The following GSDME variants were observed in gnomAD, a reference collection of about 807,000 sequenced individuals.
GSDME encodes the protein gasdermin-E.
GSDME carries 44 observed loss-of-function variants against 47.5 expected under a neutral mutation model. The ratio of observed to expected loss-of-function variants is 0.93; its 90% CI spans 0.73 to 1.19. GSDME has a LOEUF of 1.19. Ranked by LOEUF, GSDME falls within the 50% of genes most tolerant of loss-of-function variation. The pLI is 0.00. For missense variants in GSDME, 663 were observed against 604.2 expected, an observed-to-expected ratio of 1.10 and a Z score of -1.02; for synonymous variants, 258 against 252.8, an observed-to-expected ratio of 1.02 and a Z score of -0.20.
rs910167809 is a variant in GSDME, at chr7:24,716,562, A to G, written c.697+692T>C. 6.5e-6 allele frequency: 1 copy of G among 154,060 alleles called. No individual in the cohort carries two copies. Among genetic ancestry groups the G allele is most frequent in the African/African-American group, 2.4e-5 (1 of 41,432 alleles). The allele number at this position is 154,060 out of a possible 1,614,324, so 9.5% of individuals were successfully genotyped here. On this transcript the variant is annotated intron_variant, in intron 5 of 9. Coordinates refer to ENST00000645220, the MANE Select transcript of GSDME (RefSeq NM_001127453.2). This position sits in a 1 kb window ranked among gnomAD's most constrained non-coding sequence, Gnocchi z 4.5. Reference sequence around the variant, plus strand: ...CTTCTCATTGGGAACATGAGGAGGGAAGGGGCTGTGAACACCTAAAGTGAG... The same window carrying G: ...CTTCTCATTGGGAACATGAGGAGGGGAGGGGCTGTGAACACCTAAAGTGAG...
chr7:24,763,288 AT>A, the GSDME span, among the ~76,000 whole-genome samples: 4 of 151,840 alleles, frequency 2.6e-5, no homozygotes, highest in Admixed American at 6.6e-5. This position sits in a 1 kb window ranked among gnomAD's most constrained non-coding sequence, Gnocchi z 4.3. Context: ...TCAGCATACA[AT>A]TTTTTTCTTT....
rs763475728 is a variant in GSDME, at chr7:24,699,243, TCAGA to T, written c.1270_1273del (p.Ser424MetfsTer12). The T allele has an allele frequency of 1.3e-5, 21 of 1,612,652 alleles. No homozygotes were observed. Among genetic ancestry groups the T allele is most frequent in the South Asian group, 5.5e-5 (5 of 90,944 alleles). On this transcript the variant is annotated frameshift_variant, in exon 10 of 10. Transcript: ENST00000645220. LOFTEE classifies it low-confidence loss of function (END_TRUNC). ...GTCTTCAAGATCAGATACTCCATCATCAGACAGAGCACGAAGCTGAAATGACACA... is the reference window on the plus strand; with the variant it reads ...GTCTTCAAGATCAGATACTCCATCATCAGAGCACGAAGCTGAAATGACACA...
intron 3 of GSDME, among the ~76,000 whole-genome samples, chr7:24,731,569 T>C (rs889278842): frequency 2.6e-5 from 4 of 152,252 alleles, no homozygotes; most frequent in Non-Finnish European, 5.9e-5. Flanking sequence ...GCAAGCTGCA[T>C]CACACCTTCC....
At chr7:24,747,770 C>T (rs935274184) in intron 2 of GSDME, among the ~76,000 whole-genome samples, 7 of 152,218 alleles carry the variant, frequency 4.6e-5, no homozygotes, top group African/African-American at 1.4e-4. Context: ...TGGGTTCAAG[C>T]GATCCTCCCA....
chr7:24,782,003 T>C, the GSDME span, among the ~76,000 whole-genome samples: 1 of 152,096 alleles, frequency 6.6e-6, no homozygotes, highest in Admixed American at 6.5e-5. Flanking sequence ...ACTTTAGCCA[T>C]CCAAATGGCT....
the GSDME span, among the ~76,000 whole-genome samples, chr7:24,781,683 T>G: frequency 6.6e-6 from 1 of 151,030 alleles, no homozygotes; most frequent in African/African-American, 2.4e-5. Context: ...AACAGAAATT[T>G]TAAAATATTA....
rs2128053775 is a variant in GSDME at position 24,719,291 on chromosome 7, AC to A, written c.405-74del. On this transcript the variant is annotated intron_variant, in intron 3 of 9. Transcript: ENST00000645220. ...TGGTGTAGTGTGAATTTCCTCTTGC[AC>A]AGCAGGCAGCTGAGGAGTGAGCAGG... is the stretch of plus-strand genomic sequence containing the variant. 31 of 1,509,448 alleles carry A rather than the reference AC, an allele frequency of 2.1e-5. No homozygotes were observed. In the South Asian group the frequency reaches 3.0e-4, roughly 14 times the overall value. The allele number at this position is 1,509,448 out of a possible 1,614,324, so 93.5% of individuals were successfully genotyped here.
At chr7:24,753,759 T>G (rs1790930522) in intron 1 of GSDME, among the ~76,000 whole-genome samples, 1 of 152,240 alleles carries the variant, frequency 6.6e-6, no homozygotes, top group African/African-American at 2.4e-5. Flanking sequence ...TTGAAAGACT[T>G]TCTGTATTTA....
At chr7:24,734,920 CA>C (rs1790254096) in intron 3 of GSDME, among the ~76,000 whole-genome samples, 1 of 152,152 alleles carries the variant, frequency 6.6e-6, no homozygotes, top group African/African-American at 2.4e-5. Flanking sequence ...AAACCTAGAA[CA>C]AGATATCAAT....
the GSDME span, among the ~76,000 whole-genome samples, chr7:24,784,463 TC>T: frequency 2.0e-5 from 3 of 151,776 alleles, no homozygotes; most frequent in Non-Finnish European, 4.4e-5. Context: ...AGATCTGAGA[TC>T]CCCCGGCAAA....
intron 3 of GSDME, 86 bp from the exon 4 acceptor site, chr7:24,719,304 GAGGAGTGAGC>G: frequency 7.1e-7 from 1 of 1,416,660 alleles, no homozygotes; most frequent in Non-Finnish European, 9.8e-7. Context: ...GCAGGCAGCT[GAGGAGTGAGC>G]AGGTGACAGC....
At position 24,726,699 on chromosome 7, in the gene GSDME, C is replaced by T. The variant is rs6975272; in HGVS notation, c.405-7481G>A. Among the ~76,000 whole-genome samples, 4,161 of 151,438 alleles carry T rather than the reference C, an allele frequency of 0.027. 207 individuals are homozygous for T. The highest frequency in any genetic ancestry group is 0.095 in the African/African-American group (3,937 of 41,230). ...TCAGCCCGGCATAGTCCTGGCTACT[C>T]GGGAGGCTGAGGCAGAAGAATGGCG... On this transcript the variant is annotated intron_variant, in intron 3 of 9. Transcript: ENST00000645220. The surrounding 1 kb of genome is among the most constrained non-coding windows in gnomAD (Gnocchi z 5.6).
intron 3 of GSDME, among the ~76,000 whole-genome samples, chr7:24,729,210 C>T (rs147886208): frequency 2.5e-4 from 38 of 152,202 alleles, no homozygotes; most frequent in African/African-American, 9.2e-4. Flanking sequence ...AGTGACTTCA[C>T]GCCAAAGCCC....
rs146399987 is a variant in GSDME at position 24,706,249 on chromosome 7, C to T, written c.1118G>A (p.Gly373Asp). Residue 373 changes from glycine to aspartate, a missense_variant, in exon 8 of 10, where the codon GGC becomes GAC. Physicochemically the swap from Gly to Asp is moderately conservative, Grantham distance 94. Coordinates refer to ENST00000645220, the MANE Select transcript of GSDME (RefSeq NM_001127453.2). ...CTGCTTGCTGCCTGCATCCTCGGGGCCCGGACACCCACCCTGTAAGCTGCA... is the reference window on the plus strand; with the variant it reads ...CTGCTTGCTGCCTGCATCCTCGGGGTCCGGACACCCACCCTGTAAGCTGCA... ...VGCSLQGGCP[G>D]PEDAGSKQLF... 79 of 1,614,104 alleles carry T rather than the reference C, an allele frequency of 4.9e-5. No homozygotes were observed. In the African/African-American group the frequency reaches 1.0e-3, roughly 20 times the overall value.
chr7:24,699,100 C>G lies in GSDME; in HGVS notation c.1417G>C (p.Asp473His). Residue 473 changes from aspartate to histidine, a missense_variant, in exon 10 of 10, where the codon GAC (aspartate) becomes CAC (histidine). Transcript: ENST00000645220. ...AGAAGCAGTGGGAAGACTTTAGAGT[C>G]CTTCAGAATGACAGCTTTCACAGAT... is the stretch of plus-strand genomic sequence containing the variant. ...KSSVKAVILK[D>H]SKVFPLLLCI... is the part of the protein sequence containing the mutation. 6.2e-7 allele frequency: 1 copy of G among 1,614,118 alleles called. No individual in the cohort carries two copies. Among genetic ancestry groups the G allele is most frequent in the Non-Finnish European group, 8.5e-7 (1 of 1,180,014 alleles).
chr7:24,701,231 G>A (rs1788855792), intron 9 of GSDME, among the ~76,000 whole-genome samples: 1 of 152,232 alleles, frequency 6.6e-6, no homozygotes, highest in Non-Finnish European at 1.5e-5. Flanking sequence ...TTGCAAATCT[G>A]AGGGGAGGTA....
chr7:24,779,899 A>G, the GSDME span, among the ~76,000 whole-genome samples: 1 of 152,150 alleles, frequency 6.6e-6, no homozygotes, highest in African/African-American at 2.4e-5. This position sits in a 1 kb window ranked among gnomAD's most constrained non-coding sequence, Gnocchi z 6.0. Flanking sequence ...CTGCCAGCAC[A>G]TTTCGCCCTC....
chr7:24,734,677 A>G (rs771177310), intron 3 of GSDME, among the ~76,000 whole-genome samples: 2 of 152,238 alleles, frequency 1.3e-5, no homozygotes, highest in Admixed American at 6.5e-5. Context: ...AGAGTCTCTT[A>G]AATAGCAGAA....
chr7:24,712,652 T>TG lies in GSDME; in HGVS notation c.698-2265dup, dbSNP rs1254271894. 2.0e-5 allele frequency among the ~76,000 whole-genome samples: 3 copies of TG among 151,664 alleles called. No homozygotes were observed. The highest frequency in any genetic ancestry group is 2.0e-4 in the Admixed American group (3 of 15,226). Reference sequence around the variant, plus strand: ...GGCTGAGGCCAGAGTGACCAGCGGGTGGAGGGGAGGAAAAACATCTTTCCT... The same window carrying TG: ...GGCTGAGGCCAGAGTGACCAGCGGGTGGGAGGGGAGGAAAAACATCTTTCCT... On this transcript the variant is annotated intron_variant, in intron 5 of 9. Coordinates refer to ENST00000645220, the MANE Select transcript of GSDME (RefSeq NM_001127453.2). This position sits in a 1 kb window ranked among gnomAD's most constrained non-coding sequence, Gnocchi z 4.4.
Sources: gnomAD v4.1 joint callset for allele counts (sites outside exome capture counted in the v4.1 genomes callset) on GRCh38, gnomAD v4.1.1 for gene constraint, Gnocchi (gnomAD v3.1) non-coding constraint, MANE v1.5 for transcripts, NCBI Gene and HGNC (gene_info 2026-07-23, HGNC 2026-07-21) for gene names.